Variants in ERC1 observed in about 807,000 individuals in gnomAD.
ERC1 encodes the protein ELKS/RAB6-interacting/CAST family member 1.
A neutral mutation model predicts 132.0 loss-of-function variants in ERC1; 56 were observed. That is an observed-to-expected ratio of 0.42 (90% CI 0.34 to 0.53). ERC1 has a LOEUF of 0.53. ERC1 is among the 20% of genes least tolerant of loss of function. The pLI is 0.03. For missense variants in ERC1, 1,202 were observed against 1,349.9 expected, an observed-to-expected ratio of 0.89 and a Z score of 1.72; for synonymous variants, 478 against 476.1, an observed-to-expected ratio of 1.00 and a Z score of -0.05.
At chr12:1,066,406 A>G (rs1780698091) in intron 2 of ERC1, among the ~76,000 whole-genome samples, 1 of 152,254 alleles carries the variant, frequency 6.6e-6, no homozygotes, top group African/African-American at 2.4e-5. Flanking sequence ...CTTGTTTATC[A>G]AATCAAGTGA....
chr12:1,329,506 A>G (rs78091033), intron 15 of ERC1, among the ~76,000 whole-genome samples: 578 of 152,242 alleles, frequency 3.8e-3, no homozygotes, highest in African/African-American at 0.013. Flanking sequence ...TTTTCCATGT[A>G]TATATTCTGA....
intron 8 of ERC1, among the ~76,000 whole-genome samples, chr12:1,146,496 G>T (rs1382613698): frequency 2.0e-5 from 3 of 151,022 alleles, no homozygotes; most frequent in African/African-American, 7.3e-5. Context: ...TTAGGGCTTT[G>T]TAGTTATATG....
intron 8 of ERC1, among the ~76,000 whole-genome samples, chr12:1,156,950 A>T (rs192710349): frequency 2.0e-5 from 3 of 152,202 alleles, no homozygotes; most frequent in African/African-American, 7.2e-5. Flanking sequence ...TGTTTTACAA[A>T]TACATTTTCC....
At chr12:1,079,232 TAAGAC>T (rs1486428632) in intron 2 of ERC1, among the ~76,000 whole-genome samples, 2 of 150,880 alleles carry the variant, frequency 1.3e-5, no homozygotes, top group Non-Finnish European at 3.0e-5. Context: ...TGATTTGTAA[TAAGAC>T]AAAAGTCGAT....
At position 1,063,309 on chromosome 12, in the gene ERC1, G is replaced by A. The variant is rs575972631; in HGVS notation, c.670-19855G>A. On this transcript the variant is annotated intron_variant, in intron 2 of 18. Transcript: ENST00000360905. ...GGAATATTGCTCTGTCGCCCAGGCT[G>A]TAGTGTGGTGGCATGATCTTGCTTC... Among the ~76,000 whole-genome samples the A allele has an allele frequency of 5.9e-5, 9 of 152,138 alleles. No homozygotes were observed. In the South Asian group the frequency reaches 1.9e-3, roughly 32 times the overall value.
chr12:1,282,629 G>T (rs1284126147), intron 14 of ERC1, among the ~76,000 whole-genome samples: 1 of 152,182 alleles, frequency 6.6e-6, no homozygotes, highest in Non-Finnish European at 1.5e-5. Context: ...ATAGTTGTGA[G>T]ATCCTCTAAA....
At chr12:1,025,668 G>A (rs1966851851) in intron 1 of ERC1, among the ~76,000 whole-genome samples, 1 of 151,590 alleles carries the variant, frequency 6.6e-6, no homozygotes, top group South Asian at 2.1e-4. Flanking sequence ...TATACGTTAT[G>A]TTTCTCAAAG....
chr12:1,077,017 A>C (rs1316656846), intron 2 of ERC1, among the ~76,000 whole-genome samples: 2 of 152,204 alleles, frequency 1.3e-5, no homozygotes, highest in Non-Finnish European at 2.9e-5. Context: ...TGACTTAAGA[A>C]TTCTTTAAAA....
intron 11 of ERC1, among the ~76,000 whole-genome samples, chr12:1,188,174 C>T (rs1410974069): frequency 2.0e-5 from 3 of 152,162 alleles, no homozygotes; most frequent in Non-Finnish European, 4.4e-5. Context: ...ATCAAGCTGC[C>T]TCCTATTGCC....
At chr12:1,461,545 G>A (rs1055939493) in intron 18 of ERC1, among the ~76,000 whole-genome samples, 1 of 152,100 alleles carries the variant, frequency 6.6e-6, no homozygotes, top group African/African-American at 2.4e-5. Flanking sequence ...GTGGGCACCT[G>A]TAATCTCAGC....
chr12:1,448,856 A>T (rs986726243), intron 18 of ERC1, among the ~76,000 whole-genome samples: 1 of 152,188 alleles, frequency 6.6e-6, no homozygotes, highest in African/African-American at 2.4e-5. Context: ...CAGTAGATCC[A>T]CCGCTGGTTT....
intron 18 of ERC1, among the ~76,000 whole-genome samples, chr12:1,451,109 T>G (rs2093416458): frequency 6.6e-6 from 1 of 152,378 alleles, no homozygotes; most frequent in East Asian, 1.9e-4. Flanking sequence ...TGTGGTTATC[T>G]TCTCACTGTT....
intron 2 of ERC1, among the ~76,000 whole-genome samples, chr12:1,037,370 G>A (rs892833198): frequency 6.6e-6 from 1 of 152,126 alleles, no homozygotes; most frequent in Admixed American, 6.6e-5. Flanking sequence ...CCTCTTTATT[G>A]TGCAAAAGAA....
At chr12:992,693 A>G (rs141950423) in intron 1 of ERC1, among the ~76,000 whole-genome samples, 1 of 152,350 alleles carries the variant, frequency 6.6e-6, no homozygotes, top group African/African-American at 2.4e-5. Context: ...TTAGCACTGT[A>G]AATCAGAATC....
chr12:1,171,969 G>C (rs1421291221), intron 8 of ERC1, among the ~76,000 whole-genome samples: 1 of 152,294 alleles, frequency 6.6e-6, no homozygotes, highest in East Asian at 1.9e-4. Context: ...TCACTCTGTA[G>C]CTTTGCAGTC....
intron 8 of ERC1, among the ~76,000 whole-genome samples, chr12:1,160,168 A>G (rs765071818): frequency 1.8e-4 from 28 of 152,178 alleles, no homozygotes; most frequent in Admixed American, 7.2e-4. Flanking sequence ...AGGATTGTCA[A>G]TCCTTCAATT....
At chr12:1,283,683 G>A (rs1005411186) in intron 14 of ERC1, among the ~76,000 whole-genome samples, 5 of 152,118 alleles carry the variant, frequency 3.3e-5, no homozygotes, top group Non-Finnish European at 5.9e-5. Context: ...TACTTTGAGG[G>A]TCTCACACTC....
chr12:1,008,779 T>C (rs1964170643), intron 1 of ERC1, among the ~76,000 whole-genome samples: 1 of 152,254 alleles, frequency 6.6e-6, no homozygotes, highest in African/African-American at 2.4e-5. Context: ...CCAAACATGC[T>C]TAAAACTTTT....
chr12:1,424,314 TAG>T (rs1157891488), intron 17 of ERC1, among the ~76,000 whole-genome samples: 12 of 152,296 alleles, frequency 7.9e-5, no homozygotes, highest in Admixed American at 4.6e-4. Context: ...ATAGAAGAAT[TAG>T]AGCAGGTCAG....
Sources: allele counts gnomAD v4.1 joint callset (sites outside exome capture counted in the v4.1 genomes callset), GRCh38; gene constraint gnomAD v4.1.1; transcripts MANE v1.5; gene names NCBI Gene and HGNC (gene_info 2026-07-23, HGNC 2026-07-21).